Variants in RABGAP1L observed in about 807,000 individuals in gnomAD.
RABGAP1L encodes RAB GTPase activating protein 1 like.
A neutral mutation model predicts 137.7 loss-of-function variants in RABGAP1L; 63 were observed. That is an observed-to-expected ratio of 0.46 (90% CI 0.37 to 0.56). RABGAP1L has a LOEUF of 0.56. Among genes scored for constraint, RABGAP1L ranks in the 20% least tolerant of loss-of-function variants. The pLI is 0.00. For missense variants in RABGAP1L, 1,095 were observed against 1,244.0 expected, an observed-to-expected ratio of 0.88 and a Z score of 1.80; for synonymous variants, 431 against 433.7, an observed-to-expected ratio of 0.99 and a Z score of 0.08.
At chr1:174,915,903 A>G (rs1431363061) in intron 19 of RABGAP1L, among the ~76,000 whole-genome samples, 1 of 152,160 alleles carries the variant, frequency 6.6e-6, no homozygotes, top group Non-Finnish European at 1.5e-5. Flanking sequence ...GTGTGTTTTG[A>G]AAAGCAAAGG....
chr1:174,482,259 C>G (rs1190693337), intron 13 of RABGAP1L, among the ~76,000 whole-genome samples: 1 of 152,076 alleles, frequency 6.6e-6, no homozygotes, highest in Non-Finnish European at 1.5e-5. Context: ...CTAGTGAGAC[C>G]CATGTCAGAC....
chr1:174,544,655 C>T (rs1223401764), intron 13 of RABGAP1L, among the ~76,000 whole-genome samples: 1 of 152,142 alleles, frequency 6.6e-6, no homozygotes, highest in African/African-American at 2.4e-5. Flanking sequence ...CGAGGAGCTG[C>T]GATACTTTGG....
chr1:174,628,761 C>T (rs1214083551), intron 13 of RABGAP1L, among the ~76,000 whole-genome samples: 4 of 152,090 alleles, frequency 2.6e-5, no homozygotes, highest in African/African-American at 9.7e-5. Context: ...GCAATTTATG[C>T]GTCTAGATAT....
chr1:174,354,837 A>G (rs1683482886), intron 11 of RABGAP1L, among the ~76,000 whole-genome samples: 1 of 152,318 alleles, frequency 6.6e-6, no homozygotes, highest in Admixed American at 6.5e-5. Context: ...TAAATTTTGT[A>G]TAAGGTGTAA....
chr1:174,548,576 G>A, intron 13 of RABGAP1L: 2 of 973,468 alleles, frequency 2.1e-6, no homozygotes, highest in Non-Finnish European at 2.4e-6. Context: ...TTTGTGAGAT[G>A]TACTTTTTTC....
At chr1:174,546,001 G>T (rs966417121) in intron 13 of RABGAP1L, 8 of 152,184 alleles carry the variant, frequency 5.3e-5, no homozygotes, top group South Asian at 4.1e-4. Context: ...AAGTAGAAAG[G>T]TTCTGTCATA....
chr1:174,316,915 A>AT (rs371375677), intron 11 of RABGAP1L, among the ~76,000 whole-genome samples: 37 of 152,200 alleles, frequency 2.4e-4, no homozygotes, highest in Non-Finnish European at 3.7e-4. Context: ...ACCTCACCCC[A>AT]TAACTACCAC....
chr1:174,988,242 C>T (rs1175151285), intron 24 of RABGAP1L, among the ~76,000 whole-genome samples: 1 of 152,212 alleles, frequency 6.6e-6, no homozygotes, highest in Non-Finnish European at 1.5e-5. Context: ...GTTCTTTAAA[C>T]TCTGAGTTTC....
chr1:174,813,258 T>C (rs896515780), intron 19 of RABGAP1L, among the ~76,000 whole-genome samples: 1 of 152,068 alleles, frequency 6.6e-6, no homozygotes, highest in Admixed American at 6.6e-5. Flanking sequence ...GAGATAGAGA[T>C]GGAGTGGAGA....
intron 15 of RABGAP1L, among the ~76,000 whole-genome samples, chr1:174,688,349 G>A (rs1295763945): frequency 1.3e-5 from 2 of 151,846 alleles, no homozygotes; most frequent in Non-Finnish European, 2.9e-5. Context: ...AGAAGTTTAT[G>A]TTCATTTTTA....
intron 19 of RABGAP1L, among the ~76,000 whole-genome samples, chr1:174,845,453 C>G (rs1284389446): frequency 1.5e-4 from 4 of 26,218 alleles, no homozygotes; most frequent in Non-Finnish European, 9.6e-5. Context: ...TGAATTTTGT[C>G]AAAGGCTTTT....
chr1:174,469,723 C>G (rs779761334), intron 13 of RABGAP1L, among the ~76,000 whole-genome samples: 31 of 152,076 alleles, frequency 2.0e-4, no homozygotes, highest in Non-Finnish European at 3.8e-4. Context: ...GAATTACAAC[C>G]AAAGGTGCAT....
At chr1:174,439,375 T>G (rs1426379072) in intron 13 of RABGAP1L, among the ~76,000 whole-genome samples, 1 of 152,194 alleles carries the variant, frequency 6.6e-6, no homozygotes, top group Non-Finnish European at 1.5e-5. Context: ...ATCAGTAGAT[T>G]GTGATATGTT....
At chr1:174,193,116 G>A (rs7534626) in intron 1 of RABGAP1L, among the ~76,000 whole-genome samples, 2,142 of 152,280 alleles carry the variant, frequency 0.014, 61 homozygotes, top group African/African-American at 0.049. Context: ...TTAGCAAATA[G>A]TAGTAATAAA....
At chr1:174,965,697 ATT>A (rs1174048882) in intron 20 of RABGAP1L, among the ~76,000 whole-genome samples, 2 of 152,146 alleles carry the variant, frequency 1.3e-5, no homozygotes, top group Non-Finnish European at 2.9e-5. Flanking sequence ...ATGATACTGC[ATT>A]TTTGGCCCCG....
intron 13 of RABGAP1L, among the ~76,000 whole-genome samples, chr1:174,498,736 C>T (rs1249389689): frequency 2.0e-5 from 3 of 149,024 alleles, no homozygotes; most frequent in African/African-American, 7.4e-5. Flanking sequence ...GTCTTGAACT[C>T]GCGACCTCAA....
chr1:174,446,443 A>G (rs557538897), intron 13 of RABGAP1L, among the ~76,000 whole-genome samples: 50 of 152,350 alleles, frequency 3.3e-4, no homozygotes, highest in African/African-American at 1.1e-3. Flanking sequence ...TGTTATTTCT[A>G]ATGCATGTTA....
rs183975823 is a variant in RABGAP1L, at chr1:174,768,456, G to A, written c.2211+16102G>A. The stretch of plus-strand genomic sequence containing the variant: ...GCCCACCAGGAGGCAAACTGGTGGA[G>A]TTTAACAGGTATATGACCCTCCTCT... On this transcript the variant is annotated intron_variant, in intron 18 of 25. Transcript: ENST00000681986. Among the ~76,000 whole-genome samples, 10 of 152,342 alleles carry A rather than the reference G, an allele frequency of 6.6e-5. No homozygotes were observed. In the East Asian group the frequency reaches 1.9e-3, roughly 29 times the overall value.
rs776928521 is a variant in RABGAP1L, at chr1:174,601,728, C to G, written c.1711-35647C>G. Among the ~76,000 whole-genome samples, 4 of 152,252 alleles carry G rather than the reference C, an allele frequency of 2.6e-5. No homozygotes were observed. In the South Asian group the frequency reaches 8.3e-4, roughly 32 times the overall value. On this transcript the variant is annotated intron_variant, in intron 13 of 25. Transcript: ENST00000681986. Reference sequence around the variant, plus strand: ...TGCAAATTTTCTGAACTTTTATGCTCTGTTTCCCTTTTAAAACAGAATGCT... The same window carrying G: ...TGCAAATTTTCTGAACTTTTATGCTGTGTTTCCCTTTTAAAACAGAATGCT...
Sources: gnomAD v4.1 joint callset for allele counts (sites outside exome capture counted in the v4.1 genomes callset) on GRCh38, gnomAD v4.1.1 for gene constraint, MANE v1.5 for transcripts, NCBI Gene and HGNC (gene_info 2026-07-23, HGNC 2026-07-21) for gene names.